PLCL2: variants seen among roughly 807,000 people sequenced by gnomAD.
PLCL2 encodes inactive phospholipase C-like protein 2.
A neutral mutation model predicts 79.6 loss-of-function variants in PLCL2; 4 were observed. The ratio of observed to expected loss-of-function variants is 0.05; its 90% CI spans 0.02 to 0.11. PLCL2 has a LOEUF of 0.11. Among genes scored for constraint, PLCL2 ranks in the 10% least tolerant of loss-of-function variants. The pLI is 1.00. For synonymous variants in PLCL2, 484 were observed against 457.7 expected, an observed-to-expected ratio of 1.06 and a Z score of -0.73; for missense variants, 895 against 1,291.0, an observed-to-expected ratio of 0.69 and a Z score of 4.70.
intron 1 of PLCL2, among the ~76,000 whole-genome samples, chr3:16,897,232 A>G (rs929299607): frequency 2.6e-5 from 4 of 152,032 alleles, no homozygotes; most frequent in Non-Finnish European, 4.4e-5. Flanking sequence ...AATAGATTTT[A>G]TATGTGAAAA....
intron 5 of PLCL2, among the ~76,000 whole-genome samples, chr3:17,070,702 A>G (rs2065053114): frequency 6.6e-6 from 1 of 151,992 alleles, no homozygotes; most frequent in African/African-American, 2.4e-5. Context: ...AGCTACCAGT[A>G]TTTTCCTGGC....
intron 5 of PLCL2, among the ~76,000 whole-genome samples, chr3:17,076,601 G>A (rs961378573): frequency 5.3e-5 from 8 of 152,034 alleles, no homozygotes; most frequent in Middle Eastern, 3.4e-3. Flanking sequence ...CTTCTGGGCC[G>A]AAATGATCCT....
chr3:16,948,853 T>C (rs1230449812), intron 1 of PLCL2, among the ~76,000 whole-genome samples: 1 of 152,152 alleles, frequency 6.6e-6, no homozygotes, highest in East Asian at 1.9e-4. Flanking sequence ...TTTGAAAAAA[T>C]CCAGTATGTT....
At chr3:16,999,264 T>TA (rs1190150114) in intron 1 of PLCL2, among the ~76,000 whole-genome samples, 1 of 152,168 alleles carries the variant, frequency 6.6e-6, no homozygotes, top group East Asian at 1.9e-4. Flanking sequence ...GGGCATCACA[T>TA]ACGTTTGGTT....
At chr3:17,032,744 A>G (rs1215550301) in intron 3 of PLCL2, among the ~76,000 whole-genome samples, 1 of 152,178 alleles carries the variant, frequency 6.6e-6, no homozygotes, top group Non-Finnish European at 1.5e-5. Context: ...ACTACATGAT[A>G]CTATTTATTT....
At chr3:16,977,837 C>G (rs2063942509) in intron 1 of PLCL2, among the ~76,000 whole-genome samples, 1 of 152,226 alleles carries the variant, frequency 6.6e-6, no homozygotes, top group African/African-American at 2.4e-5. Context: ...AGTCCAAGAT[C>G]TAGGTGCCAA....
intron 5 of PLCL2, among the ~76,000 whole-genome samples, chr3:17,072,739 T>C (rs1409572484): frequency 6.6e-6 from 1 of 152,198 alleles, no homozygotes; most frequent in Admixed American, 6.5e-5. Flanking sequence ...TGTTATTTTT[T>C]TATTGTCCAT....
intron 1 of PLCL2, among the ~76,000 whole-genome samples, chr3:16,897,633 G>A (rs776004955): frequency 6.6e-6 from 1 of 152,212 alleles, no homozygotes; most frequent in Admixed American, 6.5e-5. Context: ...CCAGACAGGT[G>A]TCTGTTTGTA....
chr3:17,002,072 T>TTC (rs2064217483), intron 1 of PLCL2, among the ~76,000 whole-genome samples: 1 of 152,142 alleles, frequency 6.6e-6, no homozygotes, highest in Non-Finnish European at 1.5e-5. Flanking sequence ...CTTCTTTGGT[T>TTC]ACATTTATTC....
At chr3:17,072,630 C>T (rs2065071352) in intron 5 of PLCL2, among the ~76,000 whole-genome samples, 1 of 149,028 alleles carries the variant, frequency 6.7e-6, no homozygotes, top group Non-Finnish European at 1.5e-5. Context: ...GATCATGCCA[C>T]TGCACTCCAG....
Position 16,897,937 on chromosome 3 carries a change from C to A in PLCL2, c.327+12571C>A, listed in dbSNP as rs147774780. On this transcript the variant is annotated intron_variant, in intron 1 of 5. Transcript: ENST00000615277. ...CAGTGTGTACTCATTTTCTCCTCAA[C>A]TGGACTGCACAAATTATTAGAGGTT... Among the ~76,000 whole-genome samples, 1,503 of 152,320 alleles carry A rather than the reference C, an allele frequency of 9.9e-3. 97 individuals are homozygous for A. The highest frequency in any genetic ancestry group is 0.09 in the Admixed American group (1,380 of 15,288).
intron 5 of PLCL2, among the ~76,000 whole-genome samples, chr3:17,085,859 A>G (rs1330784432): frequency 6.6e-6 from 1 of 152,234 alleles, no homozygotes; most frequent in Non-Finnish European, 1.5e-5. Context: ...AAATCTAACA[A>G]CATATATATG....
At chr3:16,959,020 C>T (rs1456985361) in intron 1 of PLCL2, among the ~76,000 whole-genome samples, 1 of 152,222 alleles carries the variant, frequency 6.6e-6, no homozygotes, top group Non-Finnish European at 1.5e-5. Flanking sequence ...ATCCTTCCAG[C>T]TTCCCAACCA....
At chr3:17,071,143 A>G (rs544139243) in intron 5 of PLCL2, among the ~76,000 whole-genome samples, 282 of 152,256 alleles carry the variant, frequency 1.9e-3, no homozygotes, top group African/African-American at 6.4e-3. Context: ...CATTTGAACC[A>G]TAAGGAGGTA....
At chr3:16,905,868 G>A in intron 1 of PLCL2, among the ~76,000 whole-genome samples, 1 of 152,176 alleles carries the variant, frequency 6.6e-6, no homozygotes, top group Non-Finnish European at 1.5e-5. Flanking sequence ...GGAGGCAGGG[G>A]CCCTGAAAAT....
intron 3 of PLCL2, chr3:17,035,706 TAGA>T: frequency 2.0e-6 from 1 of 494,598 alleles, no homozygotes; most frequent in South Asian, 1.5e-5. Flanking sequence ...CTCTGCAGTG[TAGA>T]AGTTTATATC....
chr3:17,025,272 A>C (rs1316770626), intron 3 of PLCL2, among the ~76,000 whole-genome samples: 1 of 152,222 alleles, frequency 6.6e-6, no homozygotes, highest in Non-Finnish European at 1.5e-5. Context: ...TTCAGGAATT[A>C]ATTCAATCTA....
chr3:17,012,265 T>G (rs1375955438), intron 2 of PLCL2, 105 bp downstream of exon 2: 1 of 1,021,216 alleles, frequency 9.8e-7, no homozygotes, highest in African/African-American at 1.6e-5. Context: ...TTAAGTAGTT[T>G]TTAAATTCTG....
At position 17,022,018 on chromosome 3, in the gene PLCL2, C is replaced by T. The variant is rs1176481909; in HGVS notation, c.3018+7107C>T. 3.3e-5 allele frequency among the ~76,000 whole-genome samples: 5 copies of T among 152,116 alleles called. No individual in the cohort carries two copies. In the South Asian group the frequency reaches 1.0e-3, roughly 31 times the overall value. The stretch of plus-strand genomic sequence containing the variant: ...ATTTGAGCCATCACCACCTAGAGAA[C>T]TGTTAGGGGGCAGTGGTTTAGGGCC... On this transcript the variant is annotated intron_variant, in intron 3 of 5. Transcript: ENST00000615277.
Sources: allele counts gnomAD v4.1 joint callset (sites outside exome capture counted in the v4.1 genomes callset), GRCh38; gene constraint gnomAD v4.1.1; transcripts MANE v1.5; gene names NCBI Gene and HGNC (gene_info 2026-07-23, HGNC 2026-07-21).